THRB: variants seen among roughly 807,000 people sequenced by gnomAD.
THRB encodes nuclear receptor subfamily 1 group A member 2.
In THRB, 12 loss-of-function variants were observed where a neutral mutation model predicts 47.8. The observed-to-expected ratio is 0.25, with a 90% confidence interval of 0.16 to 0.41. THRB has a LOEUF of 0.41. Among genes scored for constraint, THRB ranks in the 10% least tolerant of loss-of-function variants. The pLI is 1.00. For missense variants in THRB, 348 were observed against 589.2 expected (o/e 0.59, Z 4.24); for synonymous variants, 218 against 212.2 (o/e 1.03, Z -0.24).
chr3:24,424,103 A>C (rs2150319869), intron 1 of THRB, among the ~76,000 whole-genome samples: 1 of 152,010 alleles, frequency 6.6e-6, no homozygotes, highest in African/African-American at 2.4e-5. Context: ...ATATTAGAAT[A>C]GTAGCTTGAA....
At chr3:24,219,652 G>C (rs372896615) in intron 4 of THRB, among the ~76,000 whole-genome samples, 95 of 152,228 alleles carry the variant, frequency 6.2e-4, no homozygotes, top group African/African-American at 1.8e-3. Context: ...AGATTAAAGG[G>C]TAATATTTTA....
intron 1 of THRB, among the ~76,000 whole-genome samples, chr3:24,420,086 A>G (rs2069102032): frequency 6.6e-6 from 1 of 151,916 alleles, no homozygotes; most frequent in East Asian, 1.9e-4. Flanking sequence ...AAATTAGTTA[A>G]TGGGTATAAA....
intron 6 of THRB, among the ~76,000 whole-genome samples, chr3:24,151,196 T>G (rs895279786): frequency 6.6e-6 from 1 of 152,214 alleles, no homozygotes; most frequent in Non-Finnish European, 1.5e-5. Context: ...AATGGATGTA[T>G]TATCTCAACA....
chr3:24,489,235 T>C (rs1400127876), intron 1 of THRB, among the ~76,000 whole-genome samples: 1 of 150,528 alleles, frequency 6.6e-6, no homozygotes, highest in East Asian at 2.0e-4. Flanking sequence ...AGCAAGACTC[T>C]GTCGCAAAAA....
At chr3:24,163,526 A>G (rs1553624903) in intron 5 of THRB, among the ~76,000 whole-genome samples, 1 of 152,180 alleles carries the variant, frequency 6.6e-6, no homozygotes, top group Non-Finnish European at 1.5e-5. Context: ...ACAGGTACCA[A>G]TATTTTCTTA....
At position 24,122,853 on chromosome 3, in the gene THRB, T is replaced by C; in HGVS notation, c.*31A>G. 2 of 1,614,124 alleles carry C rather than the reference T, an allele frequency of 1.2e-6. No individual in the cohort carries two copies. The highest frequency in any genetic ancestry group is 1.7e-6 in the Non-Finnish European group (2 of 1,179,974). On this transcript the variant is annotated 3_prime_UTR_variant, in exon 11 of 11. Coordinates refer to ENST00000646209, the MANE Select transcript of THRB (RefSeq NM_001354712.2). Reference sequence around the variant, plus strand: ...GGAATGAAATGACACCCAGTAGTGCTGTAGGAATTATGAGAATGAATCCAG... The same window carrying C: ...GGAATGAAATGACACCCAGTAGTGCCGTAGGAATTATGAGAATGAATCCAG...
intron 2 of THRB, among the ~76,000 whole-genome samples, chr3:24,307,718 T>C (rs1269335212): frequency 6.6e-6 from 1 of 152,202 alleles, no homozygotes; most frequent in African/African-American, 2.4e-5. Context: ...GAATAGTTAG[T>C]ATACTATTGA....
At chr3:24,483,033 G>C (rs145119079) in intron 1 of THRB, among the ~76,000 whole-genome samples, 3 of 152,116 alleles carry the variant, frequency 2.0e-5, no homozygotes, top group African/African-American at 7.2e-5. Flanking sequence ...AATCTAAAAT[G>C]CATGTGTCTG....
At chr3:24,416,414 G>A (rs1041399473) in intron 1 of THRB, among the ~76,000 whole-genome samples, 2 of 151,850 alleles carry the variant, frequency 1.3e-5, no homozygotes, top group Middle Eastern at 6.4e-3. Flanking sequence ...ACTGGGAGCT[G>A]CTTTTCAGGA....
intron 1 of THRB, among the ~76,000 whole-genome samples, chr3:24,481,741 G>C (rs191889006): frequency 2.0e-5 from 3 of 151,752 alleles, no homozygotes; most frequent in Middle Eastern, 3.4e-3. Flanking sequence ...GATTTCAGGA[G>C]TTCCTTGAAT....
chr3:24,219,574 C>T (rs183220650), intron 4 of THRB, among the ~76,000 whole-genome samples: 4 of 152,332 alleles, frequency 2.6e-5, no homozygotes, highest in Admixed American at 2.0e-4. Flanking sequence ...CAGACACCTA[C>T]ACAGTCCTCA....
At chr3:24,187,175 A>C (rs1435927348) in intron 5 of THRB, among the ~76,000 whole-genome samples, 1 of 151,958 alleles carries the variant, frequency 6.6e-6, no homozygotes, top group African/African-American at 2.4e-5. Flanking sequence ...ACAATCCCCA[A>C]CTAACTGTCT....
chr3:24,453,026 G>C (rs999432329), intron 1 of THRB, among the ~76,000 whole-genome samples: 20 of 152,008 alleles, frequency 1.3e-4, no homozygotes, highest in Admixed American at 1.2e-3. Flanking sequence ...TAAGATTCTT[G>C]ACCTTCCTCT....
At chr3:24,169,799 C>A (rs886737708) in intron 5 of THRB, among the ~76,000 whole-genome samples, 1 of 149,444 alleles carries the variant, frequency 6.7e-6, no homozygotes, top group Non-Finnish European at 1.5e-5. Context: ...ACATGACCCA[C>A]CACCTGTTTC....
chr3:24,200,430 A>G (rs1288632846), intron 4 of THRB, among the ~76,000 whole-genome samples: 4 of 152,244 alleles, frequency 2.6e-5, no homozygotes, highest in Non-Finnish European at 4.4e-5. Flanking sequence ...TTCTCAAATA[A>G]AAGACAAAAT....
chr3:24,217,062 TATA>T (rs999215397), intron 4 of THRB, among the ~76,000 whole-genome samples: 16 of 149,472 alleles, frequency 1.1e-4, no homozygotes, highest in African/African-American at 3.6e-4. Context: ...ATTACACTCT[TATA>T]ATATTAAAAT....
intron 1 of THRB, among the ~76,000 whole-genome samples, chr3:24,483,376 AAAT>A (rs1696765429): frequency 6.6e-6 from 1 of 152,174 alleles, no homozygotes; most frequent in Non-Finnish European, 1.5e-5. Flanking sequence ...TCATTTATTT[AAAT>A]AATCTAAAAC....
chr3:24,465,190 T>G (rs1187347793), intron 1 of THRB, among the ~76,000 whole-genome samples: 2 of 152,226 alleles, frequency 1.3e-5, no homozygotes, highest in Non-Finnish European at 2.9e-5. Flanking sequence ...AGTTTTGAAT[T>G]ATATTTTAGC....
intron 1 of THRB, among the ~76,000 whole-genome samples, chr3:24,387,055 C>T (rs2066178446): frequency 6.6e-6 from 1 of 152,148 alleles, no homozygotes; most frequent in Non-Finnish European, 1.5e-5. Flanking sequence ...TATCCTCTCT[C>T]CAGCATGCTC....
Sources: gnomAD v4.1 joint callset for allele counts (sites outside exome capture counted in the v4.1 genomes callset) on GRCh38, gnomAD v4.1.1 for gene constraint, MANE v1.5 for transcripts, NCBI Gene and HGNC (gene_info 2026-07-23, HGNC 2026-07-21) for gene names.